The following PCNX2 variants were observed in gnomAD, a reference collection of about 807,000 sequenced individuals.
PCNX2 encodes pecanex-like protein 2.
A neutral mutation model predicts 223.8 loss-of-function variants in PCNX2; 168 were observed. The observed-to-expected ratio is 0.75, with a 90% CI of 0.66 to 0.85. The LOEUF is 0.85. PCNX2 is among the 40% of genes least tolerant of loss of function. PCNX2 has a pLI of 0.00. For synonymous variants in PCNX2, 1,006 were observed against 1,052.6 expected (o/e 0.96, Z 0.86); for missense variants, 2,507 against 2,675.5 (o/e 0.94, Z 1.39).
chr1:233,266,673 C>T (rs968557360), intron 1 of PCNX2, among the ~76,000 whole-genome samples: 10 of 152,112 alleles, frequency 6.6e-5, no homozygotes, highest in African/African-American at 2.4e-4. Flanking sequence ...GTAAGGTATA[C>T]TCATATTTTT....
chr1:233,088,555 AAATGAGCAGCCTTGTT>A (rs1283203715), intron 23 of PCNX2, among the ~76,000 whole-genome samples: 1 of 152,226 alleles, frequency 6.6e-6, no homozygotes, highest in African/African-American at 2.4e-5. Context: ...AGACAAATGC[AAATGAGCAGCCTTGTT>A]ATGTGTGAAT....
intron 7 of PCNX2, among the ~76,000 whole-genome samples, chr1:233,252,024 A>G (rs928638627): frequency 6.6e-6 from 1 of 152,272 alleles, no homozygotes; most frequent in Non-Finnish European, 1.5e-5. Flanking sequence ...AAGCTGTAAT[A>G]TTATCAAAGA....
At chr1:233,145,768 T>C (rs867424683) in intron 19 of PCNX2, among the ~76,000 whole-genome samples, 3 of 152,312 alleles carry the variant, frequency 2.0e-5, no homozygotes, top group South Asian at 4.1e-4. Flanking sequence ...TTTTAATTGG[T>C]ATTTTTATTG....
chr1:233,021,518 G>C (rs939816910), intron 26 of PCNX2, among the ~76,000 whole-genome samples: 1 of 152,114 alleles, frequency 6.6e-6, no homozygotes, highest in African/African-American at 2.4e-5. Context: ...AAAGTCCTTG[G>C]GTCCCACCCC....
Position 233,086,512 on chromosome 1 carries a change from G to GA in PCNX2, c.4076+3548dup, listed in dbSNP as rs1158066750. 6.1e-5 allele frequency among the ~76,000 whole-genome samples: 9 copies of GA among 148,274 alleles called. No individual in the cohort carries two copies. The East Asian group carries it at 8.0e-4, about 13-fold the overall frequency. ...CTCTACTAAAAATACAAAAAAAAAA[G>GA]AAAAAAAAATTAGTCAGGCGTGGTG... is the stretch of plus-strand genomic sequence containing the variant. On this transcript the variant is annotated intron_variant, in intron 23 of 33. Coordinates refer to ENST00000258229, the MANE Select transcript of PCNX2 (RefSeq NM_014801.4).
intron 12 of PCNX2, among the ~76,000 whole-genome samples, chr1:233,213,608 C>T (rs1409191346): frequency 2.6e-5 from 4 of 152,040 alleles, no homozygotes; most frequent in Non-Finnish European, 2.9e-5. Flanking sequence ...TTCTACATAA[C>T]CTGAAGTGGA....
chr1:233,277,196 G>C (rs1419310112), intron 1 of PCNX2, among the ~76,000 whole-genome samples: 2 of 152,174 alleles, frequency 1.3e-5, no homozygotes, highest in Admixed American at 6.5e-5. Flanking sequence ...GGGAAGGTGG[G>C]ACTGTCAGAT....
At chr1:233,041,465 C>A (rs1377534986) in intron 25 of PCNX2, among the ~76,000 whole-genome samples, 2 of 152,136 alleles carry the variant, frequency 1.3e-5, no homozygotes, top group African/African-American at 4.8e-5. Flanking sequence ...TTCAGTGTCC[C>A]CAAGGAGAAA....
intron 23 of PCNX2, among the ~76,000 whole-genome samples, chr1:233,086,432 T>G: frequency 1.3e-5 from 2 of 150,770 alleles, no homozygotes; most frequent in Non-Finnish European, 1.5e-5. Context: ...CCAAGGCGAG[T>G]GGATCACAAG....
chr1:233,087,830 G>A (rs1343129824), intron 23 of PCNX2, among the ~76,000 whole-genome samples: 2 of 152,258 alleles, frequency 1.3e-5, no homozygotes, highest in East Asian at 3.9e-4. Flanking sequence ...ACCTAGGAAA[G>A]GGCAGGTTTC....
At chr1:233,072,995 A>T (rs2102906779) in intron 23 of PCNX2, among the ~76,000 whole-genome samples, 1 of 152,336 alleles carries the variant, frequency 6.6e-6, no homozygotes, top group South Asian at 2.1e-4. Flanking sequence ...TCATCAGTGA[A>T]GTCAACTGGT....
chr1:233,009,084 TGA>T (rs1670378378), intron 28 of PCNX2, among the ~76,000 whole-genome samples: 1 of 152,134 alleles, frequency 6.6e-6, no homozygotes, highest in Non-Finnish European at 1.5e-5. Context: ...GACTCTATGG[TGA>T]GACTCGCACA....
rs1367734041 is a variant in PCNX2 at position 233,258,157 on chromosome 1, G to A, written c.1705C>T (p.Gln569Ter). ...AGGAAGTTGGACTCATTTGGCATTTGTCCTTCCTTAGCCTCTAGGTCAGAT... is the reference window on the plus strand; with the variant it reads ...AGGAAGTTGGACTCATTTGGCATTTATCCTTCCTTAGCCTCTAGGTCAGAT... ...SKSDLEAKEG[Q>*]MPNESNFLEF... Residue 569 changes from glutamine to a stop codon, truncating the protein, a stop_gained, in exon 5 of 34, where the codon CAA (glutamine) becomes TAA (stop). Transcript: ENST00000258229. LOFTEE classifies it high-confidence loss of function. The A allele has an allele frequency of 1.2e-6, 2 of 1,613,968 alleles. No homozygotes were observed. The highest frequency in any genetic ancestry group is 1.7e-6 in the Non-Finnish European group (2 of 1,179,866).
At chr1:233,018,956 A>G (rs1670781741) in intron 26 of PCNX2, 1 of 985,466 alleles carries the variant, frequency 1.0e-6, no homozygotes. Context: ...TGACGCTTGT[A>G]AGTGGAGTGG....
chr1:233,249,255 G>A (rs947943591), intron 8 of PCNX2, among the ~76,000 whole-genome samples: 6 of 152,140 alleles, frequency 3.9e-5, no homozygotes, highest in Admixed American at 3.9e-4. Flanking sequence ...ATCCTGGGGG[G>A]AAAAAATTAA....
Position 232,999,097 on chromosome 1 carries a change from A to G in PCNX2, c.5603+8T>C, listed in dbSNP as rs1669977573. 1 of 1,594,012 alleles carries G rather than the reference A, an allele frequency of 6.3e-7. No individual in the cohort carries two copies. The highest frequency in any genetic ancestry group is 8.6e-7 in the Non-Finnish European group (1 of 1,166,926). On this transcript the variant is annotated splice_region_variant and intron_variant, in intron 31 of 33. Coordinates refer to ENST00000258229, the MANE Select transcript of PCNX2 (RefSeq NM_014801.4). Reference sequence around the variant, plus strand: ...ATCTGGACAGAGGCATTTGTTGTAAAAACTTACCTTACCCACTTGGTCCAG... The same window carrying G: ...ATCTGGACAGAGGCATTTGTTGTAAGAACTTACCTTACCCACTTGGTCCAG...
intron 30 of PCNX2, chr1:232,999,717 T>C: frequency 4.0e-6 from 1 of 251,778 alleles, no homozygotes; most frequent in East Asian, 1.1e-4. Context: ...GCCAATCTAT[T>C]GGTTTTTAAC....
At chr1:233,173,011 T>G (rs1679249878) in intron 17 of PCNX2, among the ~76,000 whole-genome samples, 1 of 152,192 alleles carries the variant, frequency 6.6e-6, no homozygotes, top group Non-Finnish European at 1.5e-5. Context: ...ACCTCAACAC[T>G]AGACTCTGAA....
rs556072419 is a variant in PCNX2, at chr1:233,102,171, T to C, written c.3838-6308A>G. Among the ~76,000 whole-genome samples the C allele has an allele frequency of 2.6e-5, 4 of 151,488 alleles. No homozygotes were observed. In the East Asian group the frequency reaches 5.8e-4, roughly 22 times the overall value. On this transcript the variant is annotated intron_variant, in intron 21 of 33. Coordinates refer to ENST00000258229, the MANE Select transcript of PCNX2 (RefSeq NM_014801.4). ...GCCTGGTTTATCTCACTTAACATAA[T>C]GTCCTCCAGTTCCAATCATGTTGTT...
Sources: allele counts gnomAD v4.1 joint callset (sites outside exome capture counted in the v4.1 genomes callset), GRCh38; gene constraint gnomAD v4.1.1; transcripts MANE v1.5; gene names NCBI Gene and HGNC (gene_info 2026-07-23, HGNC 2026-07-21).